Variants in PTPRD observed in about 807,000 individuals in gnomAD.
The protein encoded by PTPRD is protein tyrosine phosphatase receptor type D.
In PTPRD, 34 loss-of-function variants were observed where a neutral mutation model predicts 214.5. The ratio of observed to expected loss-of-function variants is 0.16; its 90% CI spans 0.12 to 0.21. The LOEUF (loss-of-function observed/expected upper bound fraction) is 0.21. PTPRD is among the 10% of genes least tolerant of loss of function. PTPRD has a pLI of 1.00. For synonymous variants in PTPRD, 1,128 were observed against 845.7 expected, an observed-to-expected ratio of 1.33 and a Z score of -5.79; for missense variants, 2,545 against 2,398.7, an observed-to-expected ratio of 1.06 and a Z score of -1.27.
At chr9:10,369,908 T>A (rs2097579311) in intron 2 of PTPRD, among the ~76,000 whole-genome samples, 1 of 152,038 alleles carries the variant, frequency 6.6e-6, no homozygotes, top group Non-Finnish European at 1.5e-5. Context: ...AAAAGAACAA[T>A]AATGAGAACA....
chr9:9,944,709 T>TC (rs2092292807), intron 4 of PTPRD, among the ~76,000 whole-genome samples: 1 of 151,946 alleles, frequency 6.6e-6, no homozygotes, highest in African/African-American at 2.4e-5. Flanking sequence ...CTTTTTTTTT[T>TC]CCAGTGGATT....
chr9:8,940,496 T>C (rs1387276849), intron 11 of PTPRD, among the ~76,000 whole-genome samples: 3 of 136,440 alleles, frequency 2.2e-5, no homozygotes, highest in Middle Eastern at 4.0e-3. Flanking sequence ...TTTCACCATG[T>C]TGGCCAGGCT....
chr9:8,915,667 T>G (rs1475368201), intron 11 of PTPRD, among the ~76,000 whole-genome samples: 1 of 152,064 alleles, frequency 6.6e-6, no homozygotes, highest in Admixed American at 6.6e-5. Context: ...AAGGAAGAGA[T>G]GATGTTTCAA....
chr9:10,030,827 C>T (rs190391512), intron 4 of PTPRD, among the ~76,000 whole-genome samples: 79 of 152,312 alleles, frequency 5.2e-4, no homozygotes, highest in Admixed American at 2.0e-4. Context: ...TCTTCACCTT[C>T]GGACTCTATG....
chr9:9,469,187 T>G (rs2094425882), intron 8 of PTPRD, among the ~76,000 whole-genome samples: 1 of 152,142 alleles, frequency 6.6e-6, no homozygotes, highest in South Asian at 2.1e-4. Flanking sequence ...TAAGTTGAAA[T>G]GCTAATGGAT....
chr9:10,037,470 A>G (rs1259819962), intron 3 of PTPRD, among the ~76,000 whole-genome samples: 2 of 151,926 alleles, frequency 1.3e-5, no homozygotes, highest in East Asian at 3.9e-4. Flanking sequence ...CATGAGTAAA[A>G]GCTCCCTGAG....
chr9:10,065,223 A>G (rs1336955119), intron 3 of PTPRD, among the ~76,000 whole-genome samples: 1 of 127,654 alleles, frequency 7.8e-6, no homozygotes, highest in Non-Finnish European at 1.7e-5. Flanking sequence ...CCAGAAACTT[A>G]TCATTTCCAG....
chr9:8,745,013 TCTTCA>T (rs2092629682), intron 11 of PTPRD, among the ~76,000 whole-genome samples: 1 of 152,138 alleles, frequency 6.6e-6, no homozygotes, highest in South Asian at 2.1e-4. Flanking sequence ...CAAAATACAC[TCTTCA>T]CTTCTCTCAC....
At position 10,446,417 on chromosome 9, in the gene PTPRD, CTTTTTTTTTTT is replaced by C. The variant is rs34478548; in HGVS notation, c.-599-105411_-599-105401del. ...AACTTTTTATTAAAACTATTTTTTT[CTTTTTTTTTTT>C]TTTTTTTTTTTTGCTATGACAACCA... On this transcript the variant is annotated intron_variant, in intron 2 of 45. Transcript: ENST00000381196. 7.1e-3 allele frequency among the ~76,000 whole-genome samples: 662 copies of C among 92,972 alleles called. 3 individuals are homozygous for C. The highest frequency in any genetic ancestry group is 0.011 in the Non-Finnish European group (519 of 46,338). 61.0% of individuals were successfully genotyped at this position (92,972 alleles called of 152,430 possible).
At chr9:8,439,744 A>C (rs1015630735) in intron 34 of PTPRD, among the ~76,000 whole-genome samples, 1 of 152,106 alleles carries the variant, frequency 6.6e-6, no homozygotes, top group Non-Finnish European at 1.5e-5. Context: ...AATATTGAAA[A>C]AAAATGTTAT....
intron 3 of PTPRD, among the ~76,000 whole-genome samples, chr9:10,047,012 C>CA (rs1000773715): frequency 4.0e-5 from 6 of 151,764 alleles, no homozygotes; most frequent in Admixed American, 1.3e-4. Flanking sequence ...ATGCCAAGGA[C>CA]ATTTTGTTCC....
At chr9:9,237,094 T>G (rs1260224943) in intron 9 of PTPRD, among the ~76,000 whole-genome samples, 1 of 152,168 alleles carries the variant, frequency 6.6e-6, no homozygotes, top group Admixed American at 6.6e-5. Flanking sequence ...AACAATTTAT[T>G]AAAACATCAC....
chr9:9,937,149 G>A (rs905109056), intron 5 of PTPRD, among the ~76,000 whole-genome samples: 64 of 151,622 alleles, frequency 4.2e-4, no homozygotes, highest in Admixed American at 3.1e-3. Flanking sequence ...TGGGTGCAGC[G>A]CACCAGCATG....
intron 8 of PTPRD, among the ~76,000 whole-genome samples, chr9:9,554,078 A>C (rs1362973518): frequency 6.6e-6 from 1 of 152,030 alleles, no homozygotes; most frequent in Non-Finnish European, 1.5e-5. Context: ...TTAGATTGAA[A>C]CTTCACCTTT....
chr9:8,330,038 TG>T (rs1838339843), intron 44 of PTPRD, among the ~76,000 whole-genome samples: 2 of 152,252 alleles, frequency 1.3e-5, no homozygotes, highest in Admixed American at 6.5e-5. Flanking sequence ...GTTTACCAGT[TG>T]TGAAGACTGC....
At chr9:9,792,040 A>G (rs1234695365) in intron 5 of PTPRD, among the ~76,000 whole-genome samples, 2 of 152,182 alleles carry the variant, frequency 1.3e-5, no homozygotes, top group Admixed American at 1.3e-4. Context: ...CATTTTAAAT[A>G]TTATAATCGA....
intron 11 of PTPRD, among the ~76,000 whole-genome samples, chr9:8,948,796 T>C (rs1002629019): frequency 4.0e-5 from 6 of 150,828 alleles, no homozygotes; most frequent in African/African-American, 1.2e-4. Context: ...CACAAAAGGA[T>C]GGATGAAGCC....
At chr9:10,339,379 A>T (rs1335806899) in intron 3 of PTPRD, among the ~76,000 whole-genome samples, 1 of 151,728 alleles carries the variant, frequency 6.6e-6, no homozygotes, top group Non-Finnish European at 1.5e-5. Flanking sequence ...CTTCAAGAGA[A>T]AAGTAAGCAT....
chr9:9,938,752 C>G (rs1459594653), intron 4 of PTPRD, 142 bp from the exon 5 acceptor site: 2 of 152,146 alleles, frequency 1.3e-5, no homozygotes, highest in East Asian at 3.9e-4. Flanking sequence ...AACTCTTCAC[C>G]TCTATAATTT....
Sources: gnomAD v4.1 joint callset for allele counts (sites outside exome capture counted in the v4.1 genomes callset) on GRCh38, gnomAD v4.1.1 for gene constraint, MANE v1.5 for transcripts, NCBI Gene and HGNC (gene_info 2026-07-23, HGNC 2026-07-21) for gene names.